The following MYO16 variants were observed in gnomAD, a reference collection of about 807,000 sequenced individuals.
The protein encoded by MYO16 is myosin XVI, also known as unconventional myosin-XVI.
In MYO16, 94 loss-of-function variants were observed where a neutral mutation model predicts 205.3. The ratio of observed to expected loss-of-function variants is 0.46; its 90% CI spans 0.39 to 0.54. The LOEUF (loss-of-function observed/expected upper bound fraction) is 0.54. Among genes scored for constraint, MYO16 ranks in the 20% least tolerant of loss-of-function variants. The pLI, the probability that MYO16 is intolerant of heterozygous loss-of-function variation, is 0.00. For synonymous variants in MYO16, 988 were observed against 954.0 expected (o/e 1.04, Z -0.66); for missense variants, 2,315 against 2,387.5 (o/e 0.97, Z 0.63).
intron 13 of MYO16, among the ~76,000 whole-genome samples, chr13:108,884,624 G>A (rs555565412): frequency 8.1e-5 from 12 of 147,974 alleles, no homozygotes; most frequent in African/African-American, 2.3e-4. Context: ...TGAGAAGGGC[G>A]TCAAGGTGGG....
At chr13:108,875,872 T>C (rs1879299583) in intron 12 of MYO16, among the ~76,000 whole-genome samples, 1 of 152,008 alleles carries the variant, frequency 6.6e-6, no homozygotes, top group Non-Finnish European at 1.5e-5. Flanking sequence ...AGACCCTGTC[T>C]CAAAAAAATG....
intron 2 of MYO16, among the ~76,000 whole-genome samples, chr13:108,705,323 A>G (rs928849264): frequency 2.0e-5 from 3 of 152,156 alleles, no homozygotes; most frequent in Non-Finnish European, 4.4e-5. Flanking sequence ...CACCTGGAAC[A>G]CAGGAGCCTT....
intron 6 of MYO16, among the ~76,000 whole-genome samples, chr13:108,796,780 G>A (rs9805218): frequency 1.2e-5 from 1 of 83,866 alleles, no homozygotes; most frequent in African/African-American, 4.5e-5. Context: ...GGTGGGGGGA[G>A]CGGGGAGGGA....
At chr13:108,820,500 A>G (rs554446233) in intron 8 of MYO16, 88 bp downstream of exon 8, 3 of 1,127,558 alleles carry the variant, frequency 2.7e-6, no homozygotes, top group African/African-American at 3.1e-5. Flanking sequence ...GCACAGCTAC[A>G]AAGTGAGAGC....
At chr13:109,060,415 A>G (rs1017493790) in intron 27 of MYO16, among the ~76,000 whole-genome samples, 3 of 151,986 alleles carry the variant, frequency 2.0e-5, no homozygotes, top group Admixed American at 1.3e-4. Flanking sequence ...GTTCTCACTC[A>G]TAAGTGAGAG....
intron 23 of MYO16, among the ~76,000 whole-genome samples, chr13:109,045,600 G>A (rs1887015689): frequency 6.6e-6 from 1 of 152,158 alleles, no homozygotes; most frequent in African/African-American, 2.4e-5. Flanking sequence ...GGGAATGTGT[G>A]GGATGCCTTA....
chr13:108,918,292 C>T (rs1038420241), intron 16 of MYO16, among the ~76,000 whole-genome samples: 2 of 152,268 alleles, frequency 1.3e-5, no homozygotes, highest in African/African-American at 2.4e-5. Context: ...GGTGTATTCA[C>T]ATAATAAACA....
chr13:108,837,556 C>T (rs1876994172), intron 9 of MYO16, among the ~76,000 whole-genome samples: 1 of 152,262 alleles, frequency 6.6e-6, no homozygotes, highest in Non-Finnish European at 1.5e-5. Flanking sequence ...TTGATACATA[C>T]TTAGATATTA....
chr13:108,881,034 C>T lies in MYO16; in HGVS notation c.1426-2025C>T, dbSNP rs952480798. On this transcript the variant is annotated intron_variant, in intron 12 of 34. Transcript: ENST00000457511. ...CCTGAGTAGCCTAATTGGGAGACAC[C>T]TCCCAGTAGCGGATGACTGACACGT... is the stretch of plus-strand genomic sequence containing the variant. Among the ~76,000 whole-genome samples, 13 of 152,312 alleles carry T rather than the reference C, an allele frequency of 8.5e-5. No homozygotes were observed. The East Asian group carries it at 2.1e-3, about 25-fold the overall frequency.
At chr13:108,944,056 A>G (rs1200747791) in intron 16 of MYO16, among the ~76,000 whole-genome samples, 1 of 152,192 alleles carries the variant, frequency 6.6e-6, no homozygotes, top group Non-Finnish European at 1.5e-5. Context: ...AATAATCCGA[A>G]CACAGCACAG....
At chr13:108,520,867 T>A in the MYO16 span, among the ~76,000 whole-genome samples, 1 of 152,158 alleles carries the variant, frequency 6.6e-6, no homozygotes, top group African/African-American at 2.4e-5. Flanking sequence ...CTCTTCTGAG[T>A]CAGTAGAGGA....
intron 21 of MYO16, among the ~76,000 whole-genome samples, 196 bp from the exon 22 acceptor site, chr13:109,008,701 G>A (rs61970164): frequency 0.031 from 3,789 of 122,942 alleles, 89 homozygotes; most frequent in Non-Finnish European, 0.045. Flanking sequence ...CTACTGTACT[G>A]TCTATCTTGT....
At chr13:108,704,250 G>T (rs1408344482) in intron 2 of MYO16, among the ~76,000 whole-genome samples, 1 of 152,026 alleles carries the variant, frequency 6.6e-6, no homozygotes, top group East Asian at 1.9e-4. Context: ...AATCACAATA[G>T]ATATTATAAA....
intron 4 of MYO16, among the ~76,000 whole-genome samples, chr13:108,773,333 A>G (rs2138886148): frequency 6.6e-6 from 1 of 152,326 alleles, no homozygotes; most frequent in African/African-American, 2.4e-5. Context: ...AATACCACAA[A>G]CTAGATGGCT....
At chr13:108,622,801 A>G (rs765513714) in intron 1 of MYO16, among the ~76,000 whole-genome samples, 4 of 152,048 alleles carry the variant, frequency 2.6e-5, no homozygotes, top group East Asian at 1.9e-4. Flanking sequence ...CAGAGCACGG[A>G]CCACACTCAC....
At chr13:108,694,987 C>G (rs1178684576) in intron 2 of MYO16, among the ~76,000 whole-genome samples, 1 of 152,176 alleles carries the variant, frequency 6.6e-6, no homozygotes, top group African/African-American at 2.4e-5. Context: ...TGGCACATTT[C>G]TGTAGTCCCA....
chr13:108,885,433 T>G (rs1456701591), intron 13 of MYO16, among the ~76,000 whole-genome samples: 1 of 151,822 alleles, frequency 6.6e-6, no homozygotes, highest in Non-Finnish European at 1.5e-5. Context: ...CATTCTGGAC[T>G]CAAGGATGAG....
chr13:108,629,879 A>C lies in MYO16; in HGVS notation c.28+7A>C. The C allele has an allele frequency of 6.6e-7, 1 of 1,525,088 alleles. No individual in the cohort carries two copies. The highest frequency in any genetic ancestry group is 8.8e-7 in the Non-Finnish European group (1 of 1,137,874). The allele number at this position is 1,525,088 out of a possible 1,614,324, so 94.5% of individuals were successfully genotyped here. A position where few individuals can be genotyped will look rare whatever the true frequency, so the allele number is the denominator to read the frequency against. On this transcript the variant is annotated splice_region_variant and intron_variant, in intron 1 of 34. Coordinates refer to ENST00000457511, the MANE Select transcript of MYO16 (RefSeq NM_001198950.3). ...TATCATTTTATCAAGTGCTGTAAGT[A>C]AGCTTGATATCTTGCTCATGTGGTT... is the stretch of plus-strand genomic sequence containing the variant.
the MYO16 span, among the ~76,000 whole-genome samples, chr13:108,563,144 T>G: frequency 1.3e-5 from 2 of 152,222 alleles, no homozygotes; most frequent in African/African-American, 4.8e-5. Context: ...TTAAAAAATC[T>G]TAATTTTTTA....
Sources: gnomAD v4.1 joint callset for allele counts (sites outside exome capture counted in the v4.1 genomes callset) on GRCh38, gnomAD v4.1.1 for gene constraint, MANE v1.5 for transcripts, NCBI Gene and HGNC (gene_info 2026-07-23, HGNC 2026-07-21) for gene names.